Variants in KLHL1 observed in about 807,000 individuals in gnomAD.
KLHL1 encodes the protein kelch like family member 1.
KLHL1 carries 47 observed loss-of-function variants against 77.7 expected under a neutral mutation model. That is an observed-to-expected ratio of 0.60 (90% CI 0.48 to 0.77). The LOEUF (loss-of-function observed/expected upper bound fraction) is 0.77, where lower values mean the gene tolerates loss of function less well. Among genes scored for constraint, KLHL1 ranks in the 30% least tolerant of loss-of-function variants. The pLI is 0.00. For synonymous variants in KLHL1, 360 were observed against 325.2 expected, an observed-to-expected ratio of 1.11 and a Z score of -1.15; for missense variants, 925 against 910.8, an observed-to-expected ratio of 1.02 and a Z score of -0.20.
intron 6 of KLHL1, among the ~76,000 whole-genome samples, chr13:69,805,786 G>A (rs1877592631): frequency 6.6e-6 from 1 of 150,876 alleles, no homozygotes; most frequent in Non-Finnish European, 1.5e-5. Context: ...GATTCTGAAT[G>A]ATATTACTTA....
chr13:69,703,285 G>T (rs1466412973), intron 10 of KLHL1, among the ~76,000 whole-genome samples: 3 of 151,492 alleles, frequency 2.0e-5, no homozygotes, highest in Non-Finnish European at 3.0e-5. Flanking sequence ...GGTGAAACTG[G>T]TGTAAACAAA....
chr13:69,905,167 A>G (rs1048121970), intron 4 of KLHL1, among the ~76,000 whole-genome samples: 1 of 152,150 alleles, frequency 6.6e-6, no homozygotes, highest in Admixed American at 6.5e-5. Flanking sequence ...TCTTCAAGCA[A>G]TGGTTTTGCC....
At chr13:69,782,512 A>G (rs1876279630) in intron 7 of KLHL1, among the ~76,000 whole-genome samples, 1 of 152,198 alleles carries the variant, frequency 6.6e-6, no homozygotes, top group Non-Finnish European at 1.5e-5. Flanking sequence ...CCAGGAGATT[A>G]TATCCTGCAC....
chr13:70,103,914 A>G (rs1002964084), intron 1 of KLHL1, among the ~76,000 whole-genome samples: 2 of 152,158 alleles, frequency 1.3e-5, no homozygotes, highest in Non-Finnish European at 2.9e-5. Flanking sequence ...GGAGGGCTAG[A>G]TTTAGAGATG....
At chr13:70,045,907 C>A (rs927901005) in intron 1 of KLHL1, among the ~76,000 whole-genome samples, 2 of 152,194 alleles carry the variant, frequency 1.3e-5, no homozygotes, top group Non-Finnish European at 2.9e-5. Context: ...CACATTTAAA[C>A]CCTATGCCTG....
chr13:69,719,550 A>C lies in KLHL1; in HGVS notation c.1834T>G (p.Ser612Ala). The change falls in exon 9 of 11, where the codon TCC becomes GCC. Residue 612 changes from serine (S) to alanine (A), a missense_variant. Physicochemically the swap from Ser to Ala is moderately conservative, Grantham distance 99. Coordinates refer to ENST00000377844, the MANE Select transcript of KLHL1 (RefSeq NM_020866.3). ...TAATATTCCATTGAACTCAAACAGGAACTTCCATCACGACCTCCAACTGAA... is the reference window on the plus strand; with the variant it reads ...TAATATTCCATTGAACTCAAACAGGCACTTCCATCACGACCTCCAACTGAA... ...LYSVGGRDGSSCLSSMEYYDP... is the reference protein window; with the variant it reads ...LYSVGGRDGSACLSSMEYYDP... 6.2e-7 allele frequency: 1 copy of C among 1,613,122 alleles called. No homozygotes were observed. The highest frequency in any genetic ancestry group is 8.5e-7 in the Non-Finnish European group (1 of 1,179,530).
At chr13:69,743,057 A>G (rs1305593568) in intron 7 of KLHL1, among the ~76,000 whole-genome samples, 2 of 152,202 alleles carry the variant, frequency 1.3e-5, no homozygotes, top group Admixed American at 6.5e-5. Flanking sequence ...CCAATTAGAT[A>G]CAGAGTAGAC....
intron 1 of KLHL1, among the ~76,000 whole-genome samples, chr13:70,050,690 CA>C (rs1049423949): frequency 2.0e-5 from 3 of 151,780 alleles, no homozygotes; most frequent in Middle Eastern, 3.2e-3. Context: ...CTTCTGCATT[CA>C]AAAAATATTT....
At chr13:69,951,286 CA>C (rs1883699662) in intron 3 of KLHL1, among the ~76,000 whole-genome samples, 1 of 151,410 alleles carries the variant, frequency 6.6e-6, no homozygotes, top group African/African-American at 2.4e-5. Context: ...AGACAAAAGC[CA>C]TAACTTGGCT....
intron 1 of KLHL1, among the ~76,000 whole-genome samples, chr13:70,101,835 T>A (rs1887929311): frequency 6.6e-6 from 1 of 152,078 alleles, no homozygotes; most frequent in African/African-American, 2.4e-5. Context: ...ATGTAACGTT[T>A]ATAAATTCAT....
intron 1 of KLHL1, among the ~76,000 whole-genome samples, chr13:70,060,416 A>G (rs1486166076): frequency 6.6e-6 from 1 of 152,184 alleles, no homozygotes; most frequent in Non-Finnish European, 1.5e-5. Flanking sequence ...ACTGCCAGAT[A>G]TGTAACAAAA....
intron 1 of KLHL1, among the ~76,000 whole-genome samples, chr13:70,081,220 C>T (rs1887383034): frequency 6.6e-6 from 1 of 152,134 alleles, no homozygotes; most frequent in Non-Finnish European, 1.5e-5. Context: ...TAACTGGTAC[C>T]ACTGGCTCAT....
intron 8 of KLHL1, among the ~76,000 whole-genome samples, chr13:69,737,844 G>A (rs1002842157): frequency 6.6e-6 from 1 of 152,152 alleles, no homozygotes; most frequent in Non-Finnish European, 1.5e-5. Context: ...GCCCAGACGA[G>A]GGGGATTTTC....
At chr13:69,861,851 G>A (rs112727572) in intron 5 of KLHL1, among the ~76,000 whole-genome samples, 51 of 149,454 alleles carry the variant, frequency 3.4e-4, no homozygotes, top group African/African-American at 1.2e-3. Flanking sequence ...TGTAATCCTA[G>A]CTACTCAGGA....
At chr13:69,954,365 C>T (rs1426464551) in intron 3 of KLHL1, among the ~76,000 whole-genome samples, 1 of 151,230 alleles carries the variant, frequency 6.6e-6, no homozygotes, top group African/African-American at 2.4e-5. Flanking sequence ...TAGGAAAATA[C>T]ATAGCAGGTA....
chr13:69,847,404 CAAA>C (rs11357077), intron 5 of KLHL1, among the ~76,000 whole-genome samples: 4 of 145,856 alleles, frequency 2.7e-5, no homozygotes, highest in African/African-American at 5.2e-5. Flanking sequence ...ACTGCATTAG[CAAA>C]AAAAAAAAAA....
At chr13:69,728,655 A>G (rs1386228897) in intron 8 of KLHL1, among the ~76,000 whole-genome samples, 1 of 151,708 alleles carries the variant, frequency 6.6e-6, no homozygotes, top group Admixed American at 6.6e-5. Flanking sequence ...ATGCCAAAAA[A>G]AAAAAAGCAA....
chr13:69,902,559 C>T (rs138574029), intron 4 of KLHL1, among the ~76,000 whole-genome samples: 4 of 152,118 alleles, frequency 2.6e-5, no homozygotes, highest in South Asian at 2.1e-4. Context: ...ATATACACCA[C>T]GGAATACCAT....
intron 1 of KLHL1, among the ~76,000 whole-genome samples, chr13:70,019,747 T>C (rs991998163): frequency 2.6e-5 from 4 of 152,148 alleles, no homozygotes; most frequent in African/African-American, 9.7e-5. Context: ...TATTATACTG[T>C]CTCTTGAATA....
Sources: allele counts gnomAD v4.1 joint callset (sites outside exome capture counted in the v4.1 genomes callset), GRCh38; gene constraint gnomAD v4.1.1; transcripts MANE v1.5; gene names NCBI Gene and HGNC (gene_info 2026-07-23, HGNC 2026-07-21).